The following GOLGA4 variants were observed in gnomAD, a reference collection of about 807,000 sequenced individuals.
The protein encoded by GOLGA4 is golgin A4.
GOLGA4 carries 169 observed loss-of-function variants against 265.9 expected under a neutral mutation model. The observed-to-expected ratio is 0.64, with a 90% CI of 0.56 to 0.72. The LOEUF (loss-of-function observed/expected upper bound fraction) is 0.72, where lower values mean the gene tolerates loss of function less well. GOLGA4 is among the 30% of genes least tolerant of loss of function. The probability of loss-of-function intolerance (pLI) is 0.00; values close to 1 mark genes in which losing one functional copy is unlikely to be tolerated. For synonymous variants in GOLGA4, 923 were observed against 855.8 expected, an observed-to-expected ratio of 1.08 and a Z score of -1.37; for missense variants, 2,482 against 2,483.4, an observed-to-expected ratio of 1.00 and a Z score of 0.01.
chr3:37,270,372 A>G (rs1196659138), intron 2 of GOLGA4, among the ~76,000 whole-genome samples: 2 of 148,372 alleles, frequency 1.3e-5, no homozygotes, highest in Non-Finnish European at 3.0e-5. Context: ...CGACGTTTTT[A>G]TAGAAAATAT....
At chr3:37,245,851 A>G (rs1436348661) in intron 1 of GOLGA4, among the ~76,000 whole-genome samples, 4 of 152,028 alleles carry the variant, frequency 2.6e-5, no homozygotes, top group Admixed American at 6.6e-5. Flanking sequence ...GGTGTGAGCC[A>G]CTGCGCCTGG....
At chr3:37,306,139 T>C (rs78981945) in intron 10 of GOLGA4, among the ~76,000 whole-genome samples, 5,841 of 152,330 alleles carry the variant, frequency 0.038, 138 homozygotes, top group African/African-American at 0.056. Flanking sequence ...CAGGATGGTG[T>C]ATCAACCTGC....
chr3:37,332,044 C>A (rs1334352733), intron 16 of GOLGA4, among the ~76,000 whole-genome samples: 3 of 152,134 alleles, frequency 2.0e-5, no homozygotes, highest in Non-Finnish European at 4.4e-5. Flanking sequence ...TACCTAGTCC[C>A]CTTACTGCAG....
At chr3:37,299,094 A>G (rs890658416) in intron 8 of GOLGA4, 74 bp downstream of exon 8, 1 of 1,290,078 alleles carries the variant, frequency 7.8e-7, no homozygotes. Context: ...CATGGCTTGT[A>G]CCTCCGGGAG....
rs2096733395 is a variant in GOLGA4 at position 37,251,430 on chromosome 3, G to T, written c.108G>T (p.Arg36Ser). The change falls in exon 2 of 24, where the codon AGG becomes AGT. Residue 36 changes from arginine (R) to serine (S), a missense_variant. By Grantham distance (110) the Arg-to-Ser change is moderately radical. Around this residue, in one of 3 missense-constraint regions of GOLGA4, gnomAD observed 1,536 missense variants for 1,483.7 expected, o/e 1.04. Transcript: ENST00000361924. ...SSNSSTPTRM[R>S]SRTSSFTEQL... ...ATTCTTCAACACCAACAAGAATGAGGAGCAGGACATCTTCATTTACAGAGC... is the reference window on the plus strand; with the variant it reads ...ATTCTTCAACACCAACAAGAATGAGTAGCAGGACATCTTCATTTACAGAGC... The T allele has an allele frequency of 6.2e-7, 1 of 1,613,162 alleles. No homozygotes were observed. Among genetic ancestry groups the T allele is most frequent in the Non-Finnish European group, 8.5e-7 (1 of 1,179,198 alleles).
chr3:37,257,997 GTATATATACATACA>G lies in GOLGA4; in HGVS notation c.162+6522_162+6535del, dbSNP rs1560280297. ...TACATATATATATGTATGTATATAT[GTATATATACATACA>G]TATATATATGTATGTATATATGTAT... On this transcript the variant is annotated intron_variant, in intron 2 of 23. Coordinates refer to ENST00000361924, the MANE Select transcript of GOLGA4 (RefSeq NM_002078.5). 2.0e-3 allele frequency among the ~76,000 whole-genome samples: 144 copies of G among 71,286 alleles called. 17 individuals are homozygous for G. The highest frequency in any genetic ancestry group is 0.011 in the African/African-American group (138 of 12,010). The allele number at this position is 71,286 out of a possible 152,430, so 46.8% of individuals were successfully genotyped here. A position where few individuals can be genotyped will look rare whatever the true frequency, so the allele number is the denominator to read the frequency against.
intron 23 of GOLGA4, among the ~76,000 whole-genome samples, chr3:37,362,824 C>T (rs1197752708): frequency 3.2e-5 from 4 of 124,544 alleles, no homozygotes; most frequent in Non-Finnish European, 6.7e-5. Flanking sequence ...GCTCTGTCAC[C>T]CAGGCTAGAG....
rs536382698 is a variant in GOLGA4, at chr3:37,285,022, C to T, written c.478-992C>T. On this transcript the variant is annotated intron_variant, in intron 3 of 23. Transcript: ENST00000361924. ...ACTAGTGGCATTTGGGACACAGCAG[C>T]CTTCTAAGGTAAATGGCAAAGCTCA... 2.0e-5 allele frequency among the ~76,000 whole-genome samples: 3 copies of T among 152,218 alleles called. No individual in the cohort carries two copies. In the East Asian group the frequency reaches 5.8e-4, roughly 29 times the overall value.
intron 1 of GOLGA4, among the ~76,000 whole-genome samples, chr3:37,245,035 T>A (rs1336323317): frequency 6.6e-6 from 1 of 152,206 alleles, no homozygotes; most frequent in Non-Finnish European, 1.5e-5. Flanking sequence ...CTAAGAAAAT[T>A]TAGGTTGTAT....
At chr3:37,316,047 A>C (rs144971274) in intron 11 of GOLGA4, among the ~76,000 whole-genome samples, 1 of 152,150 alleles carries the variant, frequency 6.6e-6, no homozygotes, top group Non-Finnish European at 1.5e-5. Flanking sequence ...ATATAGATAG[A>C]CCTCACTTTA....
At chr3:37,312,393 G>A (rs761927821) in intron 10 of GOLGA4, among the ~76,000 whole-genome samples, 8 of 151,998 alleles carry the variant, frequency 5.3e-5, no homozygotes, top group Non-Finnish European at 8.8e-5. Context: ...TTTTCTGTAT[G>A]CTTAACGTTA....
At chr3:37,278,764 G>GATCTCATTAATTCTC (rs1330284941) in intron 2 of GOLGA4, among the ~76,000 whole-genome samples, 1 of 150,940 alleles carries the variant, frequency 6.6e-6, no homozygotes, top group Non-Finnish European at 1.5e-5. Flanking sequence ...TTACATATAT[G>GATCTCATTAATTCTC]ATCTCATTAA....
chr3:37,362,780 C>CCTTTTTTTTTTTT (rs1375290747), intron 23 of GOLGA4, among the ~76,000 whole-genome samples: 11 of 75,464 alleles, frequency 1.5e-4, no homozygotes, highest in Middle Eastern at 7.5e-3. Flanking sequence ...AGCCTCTAAG[C>CCTTTTTTTTTTTT]TTTTTTTTTT....
intron 11 of GOLGA4, among the ~76,000 whole-genome samples, chr3:37,317,832 G>A (rs35477070): frequency 6.6e-6 from 1 of 151,994 alleles, no homozygotes; most frequent in Admixed American, 6.6e-5. Flanking sequence ...GTGAGAATTA[G>A]GCCTTTGCAC....
intron 4 of GOLGA4, among the ~76,000 whole-genome samples, chr3:37,287,174 C>T (rs1171807460): frequency 6.6e-6 from 1 of 152,158 alleles, no homozygotes; most frequent in African/African-American, 2.4e-5. Flanking sequence ...AACCCTGTCT[C>T]TACTAAAAAT....
chr3:37,246,205 G>A (rs2150574400), intron 1 of GOLGA4, among the ~76,000 whole-genome samples: 1 of 152,060 alleles, frequency 6.6e-6, no homozygotes, highest in South Asian at 2.1e-4. Flanking sequence ...TACTCCAGAG[G>A]CTGAGGCAGG....
In GOLGA4 at chr3:37,326,755, G is replaced by A. The variant is rs1375239051; in HGVS notation, c.4869G>A (p.Lys1623=). The part of the protein sequence containing the change: ...LSVKSKEEEL[K]ALEDRLESES... Reference sequence around the variant, plus strand: ...TGAAAAGCAAAGAGGAGGAGTTAAAGGCATTGGAAGATAGGCTTGAGTCAG... The same window carrying A: ...TGAAAAGCAAAGAGGAGGAGTTAAAAGCATTGGAAGATAGGCTTGAGTCAG... Residue 1623 remains lysine, a synonymous_variant, in exon 14 of 24, where the codon AAG becomes AAA. Coordinates refer to ENST00000361924, the MANE Select transcript of GOLGA4 (RefSeq NM_002078.5). 1 of 1,613,654 alleles carries A rather than the reference G, an allele frequency of 6.2e-7. No individual in the cohort carries two copies. The highest frequency in any genetic ancestry group is 8.5e-7 in the Non-Finnish European group (1 of 1,179,662).
rs749657994 is a variant in GOLGA4 at position 37,355,127 on chromosome 3, A to G, written c.6603A>G (p.Val2201=). The change falls in exon 22 of 24, where the codon GTA becomes GTG. Residue 2201 remains valine (V), a synonymous_variant. Coordinates refer to ENST00000361924, the MANE Select transcript of GOLGA4 (RefSeq NM_002078.5). The part of the protein sequence containing the change: ...TKTMAKVITT[V]LKFPDDQTQK... ...CCATGGCAAAAGTTATAACCACCGT[A>G]CTGAAGTTCCCTGATGATCAGACTC... 6.2e-7 allele frequency: 1 copy of G among 1,606,838 alleles called. No individual in the cohort carries two copies. The highest frequency in any genetic ancestry group is 8.5e-7 in the Non-Finnish European group (1 of 1,173,810).
chr3:37,326,205 A>C lies in GOLGA4; in HGVS notation c.4319A>C (p.Asn1440Thr). The C allele has an allele frequency of 6.2e-7, 1 of 1,613,624 alleles. No individual in the cohort carries two copies. Among genetic ancestry groups the C allele is most frequent in the Non-Finnish European group, 8.5e-7 (1 of 1,179,570 alleles). The part of the protein sequence containing the change: ...SALEQVDDWS[N>T]KFSEWKKKAQ... ...CTTGAGCAGGTAGATGACTGGTCCA[A>C]TAAATTCTCAGAATGGAAGAAGAAA... Residue 1440 changes from asparagine (N) to threonine (T), a missense_variant, in exon 14 of 24, where the codon AAT (asparagine) becomes ACT (threonine). Around this residue, in one of 3 missense-constraint regions of GOLGA4, gnomAD observed 942 missense variants for 983.1 expected, o/e 0.96. Coordinates refer to ENST00000361924, the MANE Select transcript of GOLGA4 (RefSeq NM_002078.5).
Sources: allele counts gnomAD v4.1 joint callset (sites outside exome capture counted in the v4.1 genomes callset), GRCh38; gene constraint gnomAD v4.1.1; regional missense constraint gnomAD v4.1.1; transcripts MANE v1.5; gene names NCBI Gene and HGNC (gene_info 2026-07-23, HGNC 2026-07-21).